The following SORCS3 variants were observed in gnomAD, a reference collection of about 807,000 sequenced individuals.
SORCS3 encodes VPS10 domain-containing receptor SorCS3.
In SORCS3, 57 loss-of-function variants were observed where a neutral mutation model predicts 146.3. The ratio of observed to expected loss-of-function variants is 0.39; its 90% CI spans 0.31 to 0.49. The LOEUF (loss-of-function observed/expected upper bound fraction) is 0.49, where lower values mean the gene tolerates loss of function less well. SORCS3 is among the 20% of genes least tolerant of loss of function. The probability of loss-of-function intolerance (pLI) is 0.92; values close to 1 mark genes in which losing one functional copy is unlikely to be tolerated. For synonymous variants in SORCS3, 653 were observed against 618.5 expected (o/e 1.06, Z -0.83); for missense variants, 1,341 against 1,575.5 (o/e 0.85, Z 2.52).
At chr10:105,112,544 A>G (rs2133758293) in intron 7 of SORCS3, among the ~76,000 whole-genome samples, 1 of 152,272 alleles carries the variant, frequency 6.6e-6, no homozygotes, top group East Asian at 1.9e-4. Context: ...CACAGATGCT[A>G]TATGAGCACA....
Position 104,756,272 on chromosome 10 carries a change from T to C in SORCS3, c.628-86520T>C, listed in dbSNP as rs117073273. On this transcript the variant is annotated intron_variant, in intron 1 of 26. Transcript: ENST00000369701. Reference sequence around the variant, plus strand: ...CTATGTTAAATACTATGGGGGCATATAAAAAGTGCATATAGGATCACATAA... The same window carrying C: ...CTATGTTAAATACTATGGGGGCATACAAAAAGTGCATATAGGATCACATAA... Among the ~76,000 whole-genome samples, 9 of 152,268 alleles carry C rather than the reference T, an allele frequency of 5.9e-5. No homozygotes were observed. In the East Asian group the frequency reaches 1.7e-3, roughly 29 times the overall value.
intron 1 of SORCS3, among the ~76,000 whole-genome samples, chr10:104,808,777 T>A (rs151275703): frequency 4.9e-4 from 74 of 152,266 alleles, no homozygotes; most frequent in African/African-American, 1.7e-3. Flanking sequence ...ATGTGCACAA[T>A]CCTATGAAGC....
intron 1 of SORCS3, among the ~76,000 whole-genome samples, chr10:104,683,368 G>T (rs2016002976): frequency 6.6e-6 from 1 of 152,182 alleles, no homozygotes; most frequent in Non-Finnish European, 1.5e-5. Context: ...TAGAGCAGAT[G>T]CTTTGAAATG....
chr10:104,683,696 G>T (rs561277481), intron 1 of SORCS3, among the ~76,000 whole-genome samples: 12 of 152,292 alleles, frequency 7.9e-5, no homozygotes, highest in African/African-American at 2.9e-4. Context: ...TTGGCCTTAG[G>T]ACTTAGAAGT....
intron 1 of SORCS3, among the ~76,000 whole-genome samples, chr10:104,772,761 C>G (rs1248119256): frequency 6.6e-6 from 1 of 152,198 alleles, no homozygotes; most frequent in Admixed American, 6.5e-5. Context: ...GACTCAGATT[C>G]TCACCTTTTC....
intron 1 of SORCS3, among the ~76,000 whole-genome samples, chr10:104,717,289 G>GA (rs1016333620): frequency 5.4e-5 from 4 of 73,594 alleles, no homozygotes; most frequent in Non-Finnish European, 8.8e-5. Flanking sequence ...CTATCTCTAA[G>GA]AAAAAAAATG....
chr10:105,165,068 T>G (rs1564772468), intron 12 of SORCS3, among the ~76,000 whole-genome samples: 1 of 152,244 alleles, frequency 6.6e-6, no homozygotes, highest in South Asian at 2.1e-4. Flanking sequence ...TTATTTATTT[T>G]AATTAATTTA....
chr10:105,009,391 G>T (rs544665640), intron 4 of SORCS3, among the ~76,000 whole-genome samples: 1 of 152,158 alleles, frequency 6.6e-6, no homozygotes, highest in African/African-American at 2.4e-5. Flanking sequence ...GTATTATGTA[G>T]GTTTCTGCCC....
At chr10:105,149,698 G>A (rs773346745) in intron 9 of SORCS3, among the ~76,000 whole-genome samples, 3 of 152,140 alleles carry the variant, frequency 2.0e-5, no homozygotes, top group Non-Finnish European at 4.4e-5. Flanking sequence ...CATTGCTGCA[G>A]ATGACCTTGC....
At chr10:104,915,692 TGGGG>T (rs1388804797) in intron 2 of SORCS3, 137 bp from the exon 3 acceptor site, 31 of 678,980 alleles carry the variant, frequency 4.6e-5, no homozygotes, top group African/African-American at 1.8e-5. Context: ...CTAAAATTAA[TGGGG>T]CTTTTTATCT....
intron 5 of SORCS3, among the ~76,000 whole-genome samples, chr10:105,063,385 A>G (rs147196773): frequency 3.3e-5 from 5 of 152,352 alleles, no homozygotes; most frequent in Middle Eastern, 3.4e-3. Flanking sequence ...AAGTGACTTA[A>G]CCAGAATCAC....
chr10:104,867,971 A>G (rs1245720483), intron 2 of SORCS3, among the ~76,000 whole-genome samples: 2 of 152,202 alleles, frequency 1.3e-5, no homozygotes, highest in African/African-American at 4.8e-5. Context: ...GGTGGTATTC[A>G]TCTTGTTTTA....
At chr10:105,009,434 G>A (rs2055117228) in intron 4 of SORCS3, among the ~76,000 whole-genome samples, 1 of 150,742 alleles carries the variant, frequency 6.6e-6, no homozygotes, top group African/African-American at 2.4e-5. Flanking sequence ...GGGGAGAAAA[G>A]GTATTCAGGA....
chr10:104,978,003 T>G (rs1236715204), intron 4 of SORCS3, among the ~76,000 whole-genome samples: 1 of 152,168 alleles, frequency 6.6e-6, no homozygotes. Context: ...GTGCTGGGAT[T>G]ACAGGCGTGA....
intron 1 of SORCS3, among the ~76,000 whole-genome samples, chr10:104,668,611 C>T (rs2133255267): frequency 6.6e-6 from 1 of 152,324 alleles, no homozygotes; most frequent in East Asian, 1.9e-4. Flanking sequence ...ATGTCTGTCT[C>T]ATCAAAATTA....
chr10:105,220,407 C>T (rs1320771294), intron 19 of SORCS3, among the ~76,000 whole-genome samples: 1 of 152,126 alleles, frequency 6.6e-6, no homozygotes, highest in Non-Finnish European at 1.5e-5. Context: ...TCTTGGGTAT[C>T]AGAGGATCTG....
intron 6 of SORCS3, among the ~76,000 whole-genome samples, chr10:105,103,667 G>A (rs914851888): frequency 2.0e-5 from 3 of 152,330 alleles, no homozygotes; most frequent in South Asian, 2.1e-4. Context: ...AAAGTTTAGA[G>A]GCTGGAGCTA....
chr10:104,805,938 C>T (rs1319546186), intron 1 of SORCS3, among the ~76,000 whole-genome samples: 1 of 152,062 alleles, frequency 6.6e-6, no homozygotes, highest in African/African-American at 2.4e-5. Flanking sequence ...ATTTTGTAAA[C>T]CCCTATGTCA....
At chr10:105,088,659 T>C (rs1307482467) in intron 5 of SORCS3, among the ~76,000 whole-genome samples, 2 of 152,174 alleles carry the variant, frequency 1.3e-5, no homozygotes, top group Non-Finnish European at 2.9e-5. Flanking sequence ...CCCCGCAACA[T>C]AGATGTCAGC....
Sources: gnomAD v4.1 joint callset for allele counts (sites outside exome capture counted in the v4.1 genomes callset) on GRCh38, gnomAD v4.1.1 for gene constraint, MANE v1.5 for transcripts, NCBI Gene and HGNC (gene_info 2026-07-23, HGNC 2026-07-21) for gene names.